KLF8: variants seen among roughly 807,000 people sequenced by gnomAD.
KLF8 encodes the protein Krueppel-like factor 8.
KLF8 carries 10 observed loss-of-function variants against 18.2 expected under a neutral mutation model. The observed-to-expected ratio is 0.55, with a 90% CI of 0.34 to 0.93. The LOEUF is 0.93. Among genes scored for constraint, KLF8 ranks in the 40% least tolerant of loss-of-function variants. The pLI, the probability that KLF8 is intolerant of heterozygous loss-of-function variation, is 0.02. For missense variants in KLF8, 264 were observed against 277.9 expected (o/e 0.95, Z 0.36); for synonymous variants, 109 against 97.3 (o/e 1.12, Z -0.71).
chrX:56,107,971 A>G, the KLF8 span, among the ~76,000 whole-genome samples: 2 of 111,984 alleles, frequency 1.8e-5, no homozygotes, highest in Admixed American at 1.9e-4. Flanking sequence ...TCTTTTGAAT[A>G]TTATTGTAAA....
the KLF8 span, among the ~76,000 whole-genome samples, chrX:56,128,844 A>C: frequency 1.1e-3 from 126 of 112,578 alleles, no homozygotes; most frequent in African/African-American, 3.9e-3. Context: ...GTTGGTGTGC[A>C]AATGTAGCTG....
chrX:56,109,410 A>T, the KLF8 span, among the ~76,000 whole-genome samples: 3 of 109,916 alleles, frequency 2.7e-5, no homozygotes, highest in Admixed American at 9.7e-5. Context: ...AAAAAAAAAA[A>T]GATCGATTCT....
Position 56,269,439 on chromosome X carries a change from A to G in KLF8, c.708A>G (p.Thr236=). 8.3e-7 allele frequency: 1 copy of G among 1,209,138 alleles called. No individual in the cohort carries two copies. The highest frequency in any genetic ancestry group is 3.0e-5 in the East Asian group (1 of 33,776). ...LEIPSDSEES[T]IESGSSALQS... is the part of the protein sequence containing the mutation. Reference sequence around the variant, plus strand: ...TTCCAAGTGACAGTGAGGAGAGTACAATTGAGAGTGGATCCTCAGCCTTGC... The same window carrying G: ...TTCCAAGTGACAGTGAGGAGAGTACGATTGAGAGTGGATCCTCAGCCTTGC... Residue 236 remains threonine (T), a synonymous_variant, in exon 4 of 6, where the codon ACA becomes ACG. Transcript: ENST00000468660.
At chrX:56,154,191 G>C in the KLF8 span, among the ~76,000 whole-genome samples, 5 of 111,373 alleles carry the variant, frequency 4.5e-5, no homozygotes, top group Non-Finnish European at 9.4e-5. Flanking sequence ...ATACTACAAG[G>C]CTACAGTAAC....
chrX:56,236,557 C>G (rs1474599563), intron 1 of KLF8, among the ~76,000 whole-genome samples: 2 of 110,905 alleles, frequency 1.8e-5, no homozygotes, highest in Non-Finnish European at 3.8e-5. Flanking sequence ...CTGCCACCAC[C>G]TTAATTTAGG....
At chrX:56,158,783 T>A in the KLF8 span, among the ~76,000 whole-genome samples, 1 of 112,136 alleles carries the variant, frequency 8.9e-6, no homozygotes, top group Non-Finnish European at 1.9e-5. Flanking sequence ...AAGGAGATTT[T>A]GGGCTGAGAC....
At chrX:56,147,845 G>T in the KLF8 span, among the ~76,000 whole-genome samples, 1 of 111,829 alleles carries the variant, frequency 8.9e-6, no homozygotes, top group Non-Finnish European at 1.9e-5. Context: ...CGGCAAGGTG[G>T]TGCACATCTG....
At chrX:56,175,027 G>GTGAT in the KLF8 span, among the ~76,000 whole-genome samples, 15 of 110,622 alleles carry the variant, frequency 1.4e-4, no homozygotes, top group East Asian at 2.3e-3. Flanking sequence ...ATCAATTTTG[G>GTGAT]TGATCCCTTC....
At chrX:56,196,925 C>T in the KLF8 span, among the ~76,000 whole-genome samples, 2 of 111,821 alleles carry the variant, frequency 1.8e-5, no homozygotes, top group African/African-American at 6.5e-5. Context: ...CAAATTAGAA[C>T]TTAGGATTAA....
chrX:56,104,048 C>T, the KLF8 span, among the ~76,000 whole-genome samples: 1 of 111,896 alleles, frequency 8.9e-6, no homozygotes, highest in African/African-American at 3.2e-5. Flanking sequence ...AACCTTGCAT[C>T]CCAGGGATGA....
At chrX:56,145,538 A>G in the KLF8 span, among the ~76,000 whole-genome samples, 3 of 112,597 alleles carry the variant, frequency 2.7e-5, no homozygotes, top group Non-Finnish European at 5.6e-5. Flanking sequence ...ATAACCAAAA[A>G]GTAGAACCAA....
the KLF8 span, among the ~76,000 whole-genome samples, chrX:55,935,046 ATACTAATACTAACCT>A: frequency 8.9e-6 from 1 of 112,121 alleles, no homozygotes; most frequent in East Asian, 2.8e-4. Flanking sequence ...AATACTAACC[ATACTAATACTAACCT>A]TACTAATACT....
the KLF8 span, among the ~76,000 whole-genome samples, chrX:56,160,612 G>C: frequency 9.0e-6 from 1 of 111,419 alleles, no homozygotes. Flanking sequence ...GTTAGCTGTT[G>C]TTGTTGAGTT....
At chrX:56,038,412 C>G in the KLF8 span, among the ~76,000 whole-genome samples, 2 of 111,638 alleles carry the variant, frequency 1.8e-5, no homozygotes, top group African/African-American at 6.5e-5. Context: ...GTGTTGTTCC[C>G]TGCCATGTGT....
the KLF8 span, among the ~76,000 whole-genome samples, chrX:56,011,938 A>T: frequency 2.7e-5 from 3 of 111,574 alleles, no homozygotes; most frequent in South Asian, 1.1e-3. Context: ...GACCAATAAC[A>T]AGTTCTGAAA....
chrX:56,168,356 A>G, the KLF8 span, among the ~76,000 whole-genome samples: 3 of 112,331 alleles, frequency 2.7e-5, no homozygotes, highest in Admixed American at 9.5e-5. Flanking sequence ...AAAATAAAAT[A>G]TCTGTGCACT....
the KLF8 span, among the ~76,000 whole-genome samples, chrX:55,947,780 A>T: frequency 8.9e-6 from 1 of 111,883 alleles, no homozygotes; most frequent in Non-Finnish European, 1.9e-5. Context: ...TAAATGCTTT[A>T]TATTATAATG....
chrX:56,272,055 C>G (rs2067063856), intron 5 of KLF8, among the ~76,000 whole-genome samples: 1 of 111,335 alleles, frequency 9.0e-6, no homozygotes, highest in African/African-American at 3.3e-5. Context: ...CTGTTTTTCT[C>G]CCTAGTGGTG....
chrX:56,079,455 C>A, the KLF8 span, among the ~76,000 whole-genome samples: 9 of 111,336 alleles, frequency 8.1e-5, no homozygotes. Flanking sequence ...AGTGGTTTTG[C>A]GTGAGATTCT....
Sources: allele counts gnomAD v4.1 joint callset (sites outside exome capture counted in the v4.1 genomes callset), GRCh38; gene constraint gnomAD v4.1.1; transcripts MANE v1.5; gene names NCBI Gene and HGNC (gene_info 2026-07-23, HGNC 2026-07-21).